Variants in RPN2 observed in about 807,000 individuals in gnomAD.
RPN2 encodes the protein ribophorin II.
In RPN2, 29 loss-of-function variants were observed where a neutral mutation model predicts 71.4. The observed-to-expected ratio is 0.41, with a 90% CI of 0.30 to 0.55. RPN2 has a LOEUF of 0.55. RPN2 is among the 20% of genes least tolerant of loss of function. RPN2 has a pLI of 0.35. For synonymous variants in RPN2, 308 were observed against 305.0 expected (o/e 1.01, Z -0.10); for missense variants, 726 against 774.1 (o/e 0.94, Z 0.74).
chr20:37,219,448 G>A (rs1293703244), intron 9 of RPN2, among the ~76,000 whole-genome samples: 1 of 151,566 alleles, frequency 6.6e-6, no homozygotes, highest in Non-Finnish European at 1.5e-5. Context: ...GAGTTGTAAG[G>A]GTTTCTCTGG....
At chr20:37,219,507 C>A (rs1174230655) in intron 9 of RPN2, among the ~76,000 whole-genome samples, 2 of 152,064 alleles carry the variant, frequency 1.3e-5, no homozygotes, top group Admixed American at 1.3e-4. Flanking sequence ...TTCTCACAGT[C>A]TGAAGGTTGT....
At position 37,231,386 on chromosome 20, in the gene RPN2, A is replaced by C. The variant is rs555067217; in HGVS notation, c.1582-910A>C. 3.7e-4 allele frequency among the ~76,000 whole-genome samples: 57 copies of C among 152,140 alleles called. 1 individual carries two copies. In the South Asian group the frequency reaches 8.1e-3, roughly 22 times the overall value. On this transcript the variant is annotated intron_variant, in intron 13 of 16. Transcript: ENST00000237530. ...GGAAAAAACAAAAAACAAAAAAAAAACCAAGAAATACCATCAGAATGCTTG... is the reference window on the plus strand; with the variant it reads ...GGAAAAAACAAAAAACAAAAAAAAACCCAAGAAATACCATCAGAATGCTTG...
At chr20:37,213,950 A>G (rs1218020285) in intron 9 of RPN2, 85 bp downstream of exon 9, 2 of 1,031,274 alleles carry the variant, frequency 1.9e-6, no homozygotes, top group Admixed American at 1.8e-5. Context: ...TGTCTGGTGC[A>G]TTGACTTTTC....
chr20:37,210,872 T>C (rs980787561), intron 8 of RPN2, among the ~76,000 whole-genome samples: 1 of 151,816 alleles, frequency 6.6e-6, no homozygotes, highest in Admixed American at 6.6e-5. Context: ...GTCTTTTTTC[T>C]ATGTATGTAA....
intron 3 of RPN2, 63 bp from the exon 4 acceptor site, chr20:37,198,987 C>T (rs2067317473): frequency 7.4e-7 from 1 of 1,350,992 alleles, no homozygotes; most frequent in African/African-American, 1.4e-5. Flanking sequence ...TCTGTCTTTG[C>T]CATGCCTGCC....
intron 15 of RPN2, 149 bp from the exon 16 acceptor site, chr20:37,236,431 C>A: frequency 1.2e-6 from 1 of 840,302 alleles, no homozygotes; most frequent in Non-Finnish European, 1.9e-6. Context: ...GAGTTAGCTA[C>A]TTTTTGGCAT....
intron 2 of RPN2, among the ~76,000 whole-genome samples, chr20:37,193,998 G>A (rs2067201975): frequency 6.6e-6 from 1 of 152,144 alleles, no homozygotes. Context: ...AGAAGTAGGA[G>A]ACCCAGCAGG....
rs759111985 is a variant in RPN2 at position 37,204,909 on chromosome 20, T to A, written c.690+8T>A. 4.3e-6 allele frequency: 7 copies of A among 1,614,154 alleles called. No individual in the cohort carries two copies. The highest frequency in any genetic ancestry group is 5.9e-6 in the Non-Finnish European group (7 of 1,180,018). On this transcript the variant is annotated splice_region_variant and intron_variant, in intron 6 of 16. Coordinates refer to ENST00000237530, the MANE Select transcript of RPN2 (RefSeq NM_002951.5). ...GAGCCATCCATTAAGGAGGTACCTA[T>A]CTAACAATTTTCAGGCATGAAACCC...
chr20:37,208,071 ACCAT>A (rs1217180076), intron 7 of RPN2, among the ~76,000 whole-genome samples: 3 of 152,004 alleles, frequency 2.0e-5, no homozygotes, highest in Non-Finnish European at 4.4e-5. Context: ...AGAGATTGAG[ACCAT>A]CCTGGCCAAC....
At chr20:37,232,660 G>A (rs538398235) in intron 14 of RPN2, among the ~76,000 whole-genome samples, 10 of 152,248 alleles carry the variant, frequency 6.6e-5, no homozygotes, top group African/African-American at 9.6e-5. Context: ...CTGTGATGCC[G>A]TAGGAGGGTT....
chr20:37,179,496 C>T (rs1568952334), intron 1 of RPN2, 127 bp downstream of exon 1: 8 of 1,400,738 alleles, frequency 5.7e-6, no homozygotes, highest in African/African-American at 3.0e-5. Flanking sequence ...CAAGCTCTGG[C>T]TGGGGCGCTC....
At chr20:37,219,385 C>T (rs1015521388) in intron 9 of RPN2, among the ~76,000 whole-genome samples, 2 of 151,930 alleles carry the variant, frequency 1.3e-5, no homozygotes, top group African/African-American at 2.4e-5. Context: ...TTTTTTCTTC[C>T]TTCTACAATC....
intron 2 of RPN2, among the ~76,000 whole-genome samples, chr20:37,185,498 C>T (rs1600733006): frequency 6.6e-6 from 1 of 152,146 alleles, no homozygotes; most frequent in African/African-American, 2.4e-5. Context: ...CTAGACTAAA[C>T]AATTTTCCTT....
chr20:37,232,108 C>A (rs1353879352), intron 13 of RPN2, among the ~76,000 whole-genome samples, 188 bp from the exon 14 acceptor site: 1 of 152,186 alleles, frequency 6.6e-6, no homozygotes, highest in Non-Finnish European at 1.5e-5. Flanking sequence ...GGAAGGGAGA[C>A]CTCTGGGATC....
rs1278372854 is a variant in RPN2, at chr20:37,190,949, C to T, written c.207+6576C>T. On this transcript the variant is annotated intron_variant, in intron 2 of 16. Transcript: ENST00000237530. ...AGATTTATGTCATTACTGTCACTTC[C>T]GTGTAGCGGTGCATGTCCTGCTCAG... Among the ~76,000 whole-genome samples the T allele has an allele frequency of 3.3e-5, 5 of 152,274 alleles. No homozygotes were observed. The East Asian group carries it at 5.8e-4, about 18-fold the overall frequency.
At chr20:37,216,825 C>T (rs2067817445) in intron 9 of RPN2, among the ~76,000 whole-genome samples, 1 of 152,136 alleles carries the variant, frequency 6.6e-6, no homozygotes, top group South Asian at 2.1e-4. Context: ...TTCGGTCTAT[C>T]TGAAGTTCAT....
At chr20:37,207,206 T>C (rs2067531780) in intron 6 of RPN2, 67 bp from the exon 7 acceptor site, 8 of 1,309,198 alleles carry the variant, frequency 6.1e-6, no homozygotes, top group Non-Finnish European at 4.4e-6. Flanking sequence ...GACTTTCCTC[T>C]ACAGCAGTGG....
chr20:37,219,430 A>C (rs1404768676), intron 9 of RPN2, among the ~76,000 whole-genome samples: 1 of 151,410 alleles, frequency 6.6e-6, no homozygotes, highest in African/African-American at 2.4e-5. Context: ...TTATCTTTTT[A>C]TATTATTGAG....
At chr20:37,205,751 G>C (rs2146591604) in intron 6 of RPN2, among the ~76,000 whole-genome samples, 1 of 152,222 alleles carries the variant, frequency 6.6e-6, no homozygotes, top group East Asian at 1.9e-4. Flanking sequence ...AGTGTAGGAG[G>C]TCTAGAAATA....
Sources: allele counts gnomAD v4.1 joint callset (sites outside exome capture counted in the v4.1 genomes callset), GRCh38; gene constraint gnomAD v4.1.1; transcripts MANE v1.5; gene names NCBI Gene and HGNC (gene_info 2026-07-23, HGNC 2026-07-21).